Variants in CAMK1D observed in about 807,000 individuals in gnomAD.
The protein encoded by CAMK1D is calcium/calmodulin-dependent protein kinase type 1D.
Under a neutral mutation model 47.7 loss-of-function variants are expected in CAMK1D, and 9 were observed. That is an observed-to-expected ratio of 0.19 (90% confidence interval 0.11 to 0.33). The LOEUF is 0.33. Among genes scored for constraint, CAMK1D ranks in the 10% least tolerant of loss-of-function variants. The pLI, the probability that CAMK1D is intolerant of heterozygous loss-of-function variation, is 1.00. For missense variants in CAMK1D, 291 were observed against 488.7 expected (o/e 0.60, Z 3.81); for synonymous variants, 184 against 184.9 (o/e 0.99, Z 0.04).
chr10:12,819,188 A>G (rs1832920058), intron 8 of CAMK1D, among the ~76,000 whole-genome samples: 1 of 152,212 alleles, frequency 6.6e-6, no homozygotes, highest in African/African-American at 2.4e-5. Flanking sequence ...GGAGAGGGGC[A>G]CAGAGGGCCC....
chr10:12,579,415 T>A (rs1167602562), intron 2 of CAMK1D, among the ~76,000 whole-genome samples: 1 of 152,198 alleles, frequency 6.6e-6, no homozygotes, highest in Non-Finnish European at 1.5e-5. Flanking sequence ...TAAGCCAATT[T>A]AATCATGTAG....
chr10:12,355,884 C>T (rs777754307), intron 1 of CAMK1D, among the ~76,000 whole-genome samples: 2 of 152,118 alleles, frequency 1.3e-5, no homozygotes, highest in African/African-American at 4.8e-5. Context: ...AGGAACAGCA[C>T]GTTAGAAGCT....
At chr10:12,359,771 C>T (rs1837608593) in intron 1 of CAMK1D, among the ~76,000 whole-genome samples, 1 of 152,188 alleles carries the variant, frequency 6.6e-6, no homozygotes, top group Non-Finnish European at 1.5e-5. Flanking sequence ...GTCTAACCAT[C>T]ATGAAGTTTT....
intron 2 of CAMK1D, among the ~76,000 whole-genome samples, chr10:12,626,830 T>C (rs1408546351): frequency 6.6e-6 from 1 of 152,196 alleles, no homozygotes; most frequent in African/African-American, 2.4e-5. Flanking sequence ...TTCATCTGTT[T>C]TAGAACATCA....
At chr10:12,716,988 G>A (rs1834167031) in intron 3 of CAMK1D, among the ~76,000 whole-genome samples, 1 of 152,186 alleles carries the variant, frequency 6.6e-6, no homozygotes, top group Admixed American at 6.5e-5. Flanking sequence ...AGGATACACT[G>A]TGATATTTTC....
intron 1 of CAMK1D, among the ~76,000 whole-genome samples, chr10:12,547,429 T>G (rs1381938671): frequency 6.6e-6 from 1 of 152,098 alleles, no homozygotes; most frequent in Non-Finnish European, 1.5e-5. Flanking sequence ...CTGGCTGGAG[T>G]GCTCCATCGT....
intron 3 of CAMK1D, among the ~76,000 whole-genome samples, chr10:12,694,145 A>ATT (rs370934083): frequency 3.2e-4 from 1 of 3,162 alleles, no homozygotes; most frequent in Non-Finnish European, 8.4e-4. Flanking sequence ...TATATAATAT[A>ATT]ATATATAATA....
rs1367892422 is a variant in CAMK1D at position 12,829,075 on chromosome 10, G to A, written c.*188G>A. 3.6e-6 allele frequency: 2 copies of A among 549,372 alleles called. No individual in the cohort carries two copies. Among genetic ancestry groups the A allele is most frequent in the African/African-American group, 3.9e-5 (2 of 51,940 alleles). The allele number at this position is 549,372 out of a possible 1,614,324, so 34.0% of individuals were successfully genotyped here. ...CTGAAGTGTTCATTTCTCACAAACT[G>A]TACTGACTCGAGGGGCGCTGATTTC... On this transcript the variant is annotated 3_prime_UTR_variant, in exon 11 of 11. Transcript: ENST00000619168.
chr10:12,669,193 C>T (rs1165130361), intron 3 of CAMK1D, among the ~76,000 whole-genome samples: 1 of 152,102 alleles, frequency 6.6e-6, no homozygotes, highest in African/African-American at 2.4e-5. Flanking sequence ...GATTGTGCCA[C>T]TGTACTCCAG....
At chr10:12,623,133 CTCCCT>C (rs1463356746) in intron 2 of CAMK1D, among the ~76,000 whole-genome samples, 1 of 44,362 alleles carries the variant, frequency 2.3e-5, no homozygotes, top group Admixed American at 2.5e-4. Context: ...TCCTTCCTCC[CTCCCT>C]TCCTCCCTTC....
At chr10:12,462,156 GTTTTTTTTTTTTTTTT>G (rs57336292) in intron 1 of CAMK1D, among the ~76,000 whole-genome samples, 3 of 79,626 alleles carry the variant, frequency 3.8e-5, no homozygotes, top group South Asian at 5.6e-4. Flanking sequence ...CCTATGAAGA[GTTTTTTTTTTTTTTTT>G]TTTTTTTTTT....
intron 1 of CAMK1D, among the ~76,000 whole-genome samples, chr10:12,394,193 C>G (rs1339384396): frequency 6.6e-6 from 1 of 152,062 alleles, no homozygotes; most frequent in African/African-American, 2.4e-5. Flanking sequence ...CAGGAACAGC[C>G]AAATAGAAGA....
chr10:12,724,775 G>A (rs1834540230), intron 3 of CAMK1D, among the ~76,000 whole-genome samples: 1 of 152,024 alleles, frequency 6.6e-6, no homozygotes, highest in South Asian at 2.1e-4. Flanking sequence ...CCTTCACTTG[G>A]GTCTAGCCAG....
Position 12,833,082 on chromosome 10 carries a change from G to T in CAMK1D, c.*4195G>T, listed in dbSNP as rs1286266644. On this transcript the variant is annotated 3_prime_UTR_variant, in exon 11 of 11. Transcript: ENST00000619168. ...GATCGTGCCACTGCACTCCAGCCTGGGTGACAGAGCAAGACTCCGTCTCAA... is the reference window on the plus strand; with the variant it reads ...GATCGTGCCACTGCACTCCAGCCTGTGTGACAGAGCAAGACTCCGTCTCAA... 6.6e-6 allele frequency: 1 copy of T among 152,580 alleles called. No individual in the cohort carries two copies. The highest frequency in any genetic ancestry group is 2.4e-5 in the African/African-American group (1 of 41,460). 9.5% of individuals were successfully genotyped at this position (152,580 alleles called of 1,614,324 possible).
intron 1 of CAMK1D, among the ~76,000 whole-genome samples, chr10:12,400,717 A>T (rs1447213824): frequency 3.3e-5 from 5 of 151,990 alleles, no homozygotes. Flanking sequence ...TTATGTTTTC[A>T]CAGATGGAGA....
At chr10:12,735,754 G>T (rs1038851155) in intron 3 of CAMK1D, among the ~76,000 whole-genome samples, 1 of 151,124 alleles carries the variant, frequency 6.6e-6, no homozygotes, top group Non-Finnish European at 1.5e-5. Context: ...TCTAATCCCC[G>T]AAGAGTTATG....
chr10:12,483,440 A>T (rs1049505880), intron 1 of CAMK1D, among the ~76,000 whole-genome samples: 10 of 152,132 alleles, frequency 6.6e-5, no homozygotes, highest in African/African-American at 2.4e-4. Flanking sequence ...GGCTCAAGCA[A>T]TCTGCCCGCC....
intron 1 of CAMK1D, among the ~76,000 whole-genome samples, chr10:12,401,066 T>TTA (rs1379688535): frequency 0.042 from 3,675 of 86,514 alleles, 244 homozygotes; most frequent in Middle Eastern, 0.07. Context: ...TATATATATT[T>TTA]TATATATATA....
rs1203224057 is a variant in CAMK1D at position 12,835,092 on chromosome 10, C to T, written c.*6205C>T. On this transcript the variant is annotated 3_prime_UTR_variant, in exon 11 of 11. Coordinates refer to ENST00000619168, the MANE Select transcript of CAMK1D (RefSeq NM_153498.4). ...GCGCCATGTTTCAGAGAACATTTATCTTAGTCCCACGTTCAGGTGAGAAGA... is the reference window on the plus strand; with the variant it reads ...GCGCCATGTTTCAGAGAACATTTATTTTAGTCCCACGTTCAGGTGAGAAGA... The T allele has an allele frequency of 6.6e-6, 1 of 152,240 alleles. No homozygotes were observed. The highest frequency in any genetic ancestry group is 6.5e-5 in the Admixed American group (1 of 15,282). 9.4% of individuals were successfully genotyped at this position (152,240 alleles called of 1,614,324 possible).
Sources: gnomAD v4.1 joint callset for allele counts (sites outside exome capture counted in the v4.1 genomes callset) on GRCh38, gnomAD v4.1.1 for gene constraint, MANE v1.5 for transcripts, NCBI Gene and HGNC (gene_info 2026-07-23, HGNC 2026-07-21) for gene names.